Variants in SCAPER observed in about 807,000 individuals in gnomAD.
SCAPER encodes S-phase cyclin A associated protein in the ER, also known as S phase cyclin A-associated protein in the endoplasmic reticulum.
In SCAPER, 98 loss-of-function variants were observed where a neutral mutation model predicts 182.2. The observed-to-expected ratio is 0.54, with a 90% CI of 0.46 to 0.64. The LOEUF is 0.64. Among genes scored for constraint, SCAPER ranks in the 30% least tolerant of loss-of-function variants. The probability of loss-of-function intolerance (pLI) is 0.00; values close to 1 mark genes in which losing one functional copy is unlikely to be tolerated. For missense variants in SCAPER, 1,432 were observed against 1,690.0 expected (o/e 0.85, Z 2.68); for synonymous variants, 605 against 564.6 (o/e 1.07, Z -1.01).
intron 10 of SCAPER, 144 bp downstream of exon 10, chr15:76,771,598 A>G (rs1003296973): frequency 1.6e-6 from 1 of 616,244 alleles, no homozygotes; most frequent in African/African-American, 1.9e-5. Flanking sequence ...AAGTTTACCA[A>G]AATAATAAAA....
intron 5 of SCAPER, among the ~76,000 whole-genome samples, chr15:76,831,949 C>T (rs1027618346): frequency 6.6e-6 from 1 of 152,100 alleles, no homozygotes; most frequent in Non-Finnish European, 1.5e-5. Flanking sequence ...CAGTCAAACC[C>T]TCAAGGGCAT....
intron 6 of SCAPER, among the ~76,000 whole-genome samples, chr15:76,802,693 C>T (rs771970793): frequency 2.0e-5 from 3 of 152,150 alleles, no homozygotes; most frequent in Non-Finnish European, 4.4e-5. Flanking sequence ...GTAGGGCTGA[C>T]ACATCAGGAT....
chr15:76,625,949 G>C (rs12442966), intron 21 of SCAPER, among the ~76,000 whole-genome samples: 1 of 151,942 alleles, frequency 6.6e-6, no homozygotes. Flanking sequence ...AGAACTGTCT[G>C]GGGCCACACA....
At chr15:76,397,761 G>A (rs1157859827) in intron 27 of SCAPER, among the ~76,000 whole-genome samples, 6 of 152,124 alleles carry the variant, frequency 3.9e-5, no homozygotes, top group Non-Finnish European at 7.4e-5. Flanking sequence ...ACAGGTGTGA[G>A]CCACCGCGCC....
chr15:76,774,380 G>T (rs1403256166), intron 9 of SCAPER: 1 of 393,336 alleles, frequency 2.5e-6, no homozygotes. Context: ...AATGAACTGA[G>T]TAATTCCACA....
intron 22 of SCAPER, among the ~76,000 whole-genome samples, chr15:76,588,213 C>T (rs556085427): frequency 2.6e-5 from 4 of 152,256 alleles, no homozygotes; most frequent in East Asian, 1.9e-4. Context: ...TGAGCCACCG[C>T]GCCCGGCCCT....
intron 3 of SCAPER, among the ~76,000 whole-genome samples, chr15:76,861,581 T>C (rs1046681335): frequency 1.3e-5 from 2 of 152,166 alleles, no homozygotes; most frequent in Non-Finnish European, 2.9e-5. Flanking sequence ...ACACTGCCTC[T>C]AGCCATTAAA....
At chr15:76,465,272 G>A (rs539255810) in intron 25 of SCAPER, among the ~76,000 whole-genome samples, 1 of 152,088 alleles carries the variant, frequency 6.6e-6, no homozygotes, top group Non-Finnish European at 1.5e-5. Context: ...CATAGAAGGC[G>A]CTTTCCAGCT....
intron 5 of SCAPER, among the ~76,000 whole-genome samples, chr15:76,808,262 A>G (rs918709687): frequency 1.3e-5 from 2 of 152,212 alleles, no homozygotes; most frequent in Non-Finnish European, 2.9e-5. Flanking sequence ...TGGAGCAGGT[A>G]AACAACAGAC....
intron 23 of SCAPER, among the ~76,000 whole-genome samples, chr15:76,527,077 T>A (rs2043261281): frequency 6.6e-6 from 1 of 152,116 alleles, no homozygotes; most frequent in Non-Finnish European, 1.5e-5. Context: ...GGTTTCACCA[T>A]GTTGGCCAGG....
At chr15:76,819,647 GA>G (rs1356570077) in intron 5 of SCAPER, among the ~76,000 whole-genome samples, 21 of 152,186 alleles carry the variant, frequency 1.4e-4, no homozygotes, top group Non-Finnish European at 2.9e-4. Context: ...AAACAGAGTA[GA>G]AAAACCGGAA....
chr15:76,904,249 C>A (rs1485127165), intron 1 of SCAPER, among the ~76,000 whole-genome samples: 2 of 152,114 alleles, frequency 1.3e-5, no homozygotes, highest in Non-Finnish European at 2.9e-5. Flanking sequence ...ACCTTTTGAG[C>A]CCCCGTTTCT....
At chr15:76,643,973 A>G (rs1308743943) in intron 21 of SCAPER, among the ~76,000 whole-genome samples, 1 of 152,162 alleles carries the variant, frequency 6.6e-6, no homozygotes, top group Non-Finnish European at 1.5e-5. Context: ...ATGAAGAACT[A>G]TAGTTTGAAA....
rs1313281444 is a variant in SCAPER, at chr15:76,348,009, C to T, written c.*624G>A. On this transcript the variant is annotated 3_prime_UTR_variant, in exon 32 of 32. Transcript: ENST00000563290. ...CACATCTTTTTTATCACTAATTTTT[C>T]CTTAGGAGAGTAATTTCAGCTCGGC... 6.6e-6 allele frequency: 1 copy of T among 152,190 alleles called. No individual in the cohort carries two copies. 9.4% of individuals were successfully genotyped at this position (152,190 alleles called of 1,614,324 possible). A position where few individuals can be genotyped will look rare whatever the true frequency, so the allele number is the denominator to read the frequency against.
At chr15:76,517,768 C>T (rs1442258965) in intron 23 of SCAPER, among the ~76,000 whole-genome samples, 2 of 151,974 alleles carry the variant, frequency 1.3e-5, no homozygotes, top group Admixed American at 1.3e-4. Flanking sequence ...TATTGATGTC[C>T]TCCTTTTTCT....
At chr15:76,412,377 T>TA (rs2045351080) in intron 26 of SCAPER, among the ~76,000 whole-genome samples, 1 of 152,088 alleles carries the variant, frequency 6.6e-6, no homozygotes, top group Admixed American at 6.6e-5. Context: ...TCACTGACTG[T>TA]AAAAAATGTA....
At position 76,766,909 on chromosome 15, in the gene SCAPER, A is replaced by G; in HGVS notation, c.1419+9T>C. ...TTGAATAGTTATGTTAAAAAGTCTA[A>G]AAGCTCACAGAAAAATCACTGTCGT... is the stretch of plus-strand genomic sequence containing the variant. On this transcript the variant is annotated intron_variant, in intron 11 of 31. Coordinates refer to ENST00000563290, the MANE Select transcript of SCAPER (RefSeq NM_020843.4). 1 of 1,582,800 alleles carries G rather than the reference A, an allele frequency of 6.3e-7. No homozygotes were observed. Among genetic ancestry groups the G allele is most frequent in the Non-Finnish European group, 8.5e-7 (1 of 1,171,522 alleles).
At chr15:76,747,796 C>T (rs1453825307) in intron 15 of SCAPER, among the ~76,000 whole-genome samples, 1 of 152,024 alleles carries the variant, frequency 6.6e-6, no homozygotes, top group African/African-American at 2.4e-5. Flanking sequence ...GCCTGAGGCC[C>T]TCACCAAAAG....
chr15:76,446,016 G>A (rs2047973601), intron 25 of SCAPER, among the ~76,000 whole-genome samples: 1 of 152,184 alleles, frequency 6.6e-6, no homozygotes, highest in African/African-American at 2.4e-5. Context: ...AGGGGCAGTA[G>A]TGATAATAGT....
Sources: allele counts gnomAD v4.1 joint callset (sites outside exome capture counted in the v4.1 genomes callset), GRCh38; gene constraint gnomAD v4.1.1; transcripts MANE v1.5; gene names NCBI Gene and HGNC (gene_info 2026-07-23, HGNC 2026-07-21).